The following ERCC1 variants were observed in gnomAD, a reference collection of about 807,000 sequenced individuals.
The protein encoded by ERCC1 is DNA excision repair protein ERCC-1.
ERCC1 carries 36 observed loss-of-function variants against 37.6 expected under a neutral mutation model. That is an observed-to-expected ratio of 0.96 (90% CI 0.73 to 1.26). ERCC1 has a LOEUF of 1.26. ERCC1 is among the 50% of genes most tolerant of loss of function. The pLI, the probability that ERCC1 is intolerant of heterozygous loss-of-function variation, is 0.00. For synonymous variants in ERCC1, 156 were observed against 162.1 expected (o/e 0.96, Z 0.28); for missense variants, 349 against 376.5 (o/e 0.93, Z 0.60).
At chr19:45,415,203 C>T (rs1175701476) in intron 6 of ERCC1, among the ~76,000 whole-genome samples, 5 of 151,798 alleles carry the variant, frequency 3.3e-5, no homozygotes, top group South Asian at 2.1e-4. Flanking sequence ...GGCTTGGTGG[C>T]GCGTGCCTGT....
intron 5 of ERCC1, among the ~76,000 whole-genome samples, chr19:45,418,479 C>T (rs1974195642): frequency 6.6e-6 from 1 of 151,942 alleles, no homozygotes; most frequent in Admixed American, 6.6e-5. Context: ...AAGATCTGGC[C>T]ATTGCACTCC....
intron 1 of ERCC1, among the ~76,000 whole-genome samples, chr19:45,449,455 C>T (rs959852443): frequency 2.6e-5 from 4 of 151,772 alleles, no homozygotes; most frequent in African/African-American, 9.7e-5. Context: ...AGGAGGAGTT[C>T]GAGACCAGCC....
intron 1 of ERCC1, among the ~76,000 whole-genome samples, chr19:45,434,157 A>C (rs8110453): frequency 0.02 from 2,172 of 108,648 alleles, 20 homozygotes; most frequent in African/African-American, 0.052. Flanking sequence ...CACACACACA[A>C]AAAAAAAAAA....
At chr19:45,441,128 G>A (rs1359402054) in intron 1 of ERCC1, among the ~76,000 whole-genome samples, 1 of 152,146 alleles carries the variant, frequency 6.6e-6, no homozygotes, top group Non-Finnish European at 1.5e-5. Context: ...CTGTTCCCTG[G>A]GCCTAGGTCT....
chr19:45,411,453 T>A (rs1194896283), intron 9 of ERCC1, among the ~76,000 whole-genome samples: 1 of 39,038 alleles, frequency 2.6e-5, no homozygotes, highest in African/African-American at 3.8e-4. Flanking sequence ...CTCGCCACCA[T>A]TTGTTATTGC....
intron 1 of ERCC1, among the ~76,000 whole-genome samples, chr19:45,439,927 C>A (rs1975075979): frequency 6.6e-6 from 1 of 152,156 alleles, no homozygotes; most frequent in Admixed American, 6.5e-5. Flanking sequence ...ACCCCAGCTC[C>A]GCTAAAAATA....
intron 5 of ERCC1, among the ~76,000 whole-genome samples, 199 bp from the exon 6 acceptor site, chr19:45,417,096 C>CAA (rs1164332669): frequency 7.2e-6 from 1 of 138,918 alleles, no homozygotes; most frequent in Non-Finnish European, 1.6e-5. Flanking sequence ...GACTCTGTCT[C>CAA]AAAAAAAAAA....
intron 9 of ERCC1, 155 bp downstream of exon 9, chr19:45,413,522 C>T (rs755693405): frequency 6.6e-5 from 104 of 1,567,276 alleles, no homozygotes; most frequent in Middle Eastern, 1.8e-4. Context: ...GCAGTCCTCC[C>T]GCCTTGGCCT....
At chr19:45,430,075 C>T (rs1396086745) in intron 1 of ERCC1, among the ~76,000 whole-genome samples, 4 of 152,176 alleles carry the variant, frequency 2.6e-5, no homozygotes, top group Non-Finnish European at 4.4e-5. Context: ...TGAGCCACCG[C>T]GTCCAGCCGG....
At chr19:45,419,317 G>A in intron 4 of ERCC1, 120 bp from the exon 5 acceptor site, 2 of 734,920 alleles carry the variant, frequency 2.7e-6, no homozygotes, top group Non-Finnish European at 4.8e-6. Flanking sequence ...AGAGGGTCCT[G>A]AGGCCCACAG....
upstream of ERCC1, among the ~76,000 whole-genome samples, chr19:45,425,462 C>T (rs926275074): frequency 6.6e-6 from 1 of 152,004 alleles, no homozygotes; most frequent in African/African-American, 2.4e-5. Flanking sequence ...AATCTAGGCT[C>T]ACTGCAACCT....
Position 45,423,850 on chromosome 19 carries a change from G to A in ERCC1, c.-77C>T. 1 of 1,126,656 alleles carries A rather than the reference G, an allele frequency of 8.9e-7. No individual in the cohort carries two copies. The highest frequency in any genetic ancestry group is 1.1e-6 in the Non-Finnish European group (1 of 913,116). 69.8% of individuals were successfully genotyped at this position (1,126,656 alleles called of 1,614,324 possible). The stretch of plus-strand genomic sequence containing the variant: ...GCTGGTCTTGGAGCCTCAAGGGAAA[G>A]ACTGCAGAGGGATCGAGGCGGCCCA... On this transcript the variant is annotated 5_prime_UTR_variant, in exon 1 of 10. Coordinates refer to ENST00000300853, the MANE Select transcript of ERCC1 (RefSeq NM_001983.4).
intron 1 of ERCC1, among the ~76,000 whole-genome samples, chr19:45,434,678 C>T (rs535996371): frequency 2.6e-4 from 40 of 151,802 alleles, no homozygotes; most frequent in South Asian, 4.2e-4. Flanking sequence ...CTTCGCCTCC[C>T]GGGTTCAAGC....
intron 1 of ERCC1, among the ~76,000 whole-genome samples, chr19:45,448,061 G>C (rs543547859): frequency 6.6e-6 from 1 of 151,990 alleles, no homozygotes; most frequent in Non-Finnish European, 1.5e-5. Flanking sequence ...TAGTAGAGAC[G>C]GGGTTTCGCC....
chr19:45,431,779 T>C (rs1974838766), intron 1 of ERCC1, among the ~76,000 whole-genome samples: 1 of 151,924 alleles, frequency 6.6e-6, no homozygotes, highest in African/African-American at 2.4e-5. Flanking sequence ...CGTTCTCAGC[T>C]GCTTGGGAGG....
intron 6 of ERCC1, among the ~76,000 whole-genome samples, chr19:45,415,972 C>CA (rs1334024856): frequency 1.3e-5 from 2 of 151,722 alleles, no homozygotes; most frequent in South Asian, 2.1e-4. Context: ...GTTGTCTCCA[C>CA]AAAAAATTAA....
At position 45,418,553 on chromosome 19, in the gene ERCC1, G is replaced by A. The variant is rs1458135221; in HGVS notation, c.525+545C>T. ...AAAGAGAGAGATATGGCCAGGCACGGTGGCTCATGCCTGTAATCCCAGCCT... is the reference window on the plus strand; with the variant it reads ...AAAGAGAGAGATATGGCCAGGCACGATGGCTCATGCCTGTAATCCCAGCCT... On this transcript the variant is annotated intron_variant, in intron 5 of 9. Transcript: ENST00000300853. 2.0e-5 allele frequency among the ~76,000 whole-genome samples: 3 copies of A among 151,868 alleles called. No individual in the cohort carries two copies. In the South Asian group the frequency reaches 6.3e-4, roughly 32 times the overall value.
In ERCC1 at chr19:45,413,957, C is replaced by T. The variant is rs763967348; in HGVS notation, c.774+6G>A. 7 of 1,613,238 alleles carry T rather than the reference C, an allele frequency of 4.3e-6. No homozygotes were observed. The South Asian group carries it at 7.7e-5, about 18-fold the overall frequency. The stretch of plus-strand genomic sequence containing the variant: ...ATGCCTATGGGGCAGGGGAGCCATT[C>T]CTTACTCCAAATGTGGTCAGGAGGG... On this transcript the variant is annotated splice_donor_region_variant and intron_variant, in intron 8 of 9. Transcript: ENST00000300853.
Position 45,409,448 on chromosome 19 carries a change from GC to G in ERCC1, c.*226del, listed in dbSNP as rs776702737. The G allele has an allele frequency of 1.9e-5, 31 of 1,612,990 alleles. No individual in the cohort carries two copies. The Admixed American group carries it at 5.2e-4, about 27-fold the overall frequency. ...ACTGAATTCAGAGTCTGGGGAGGAG[GC>G]TCCCACAGGCCGGGACAAGAAGCGG... On this transcript the variant is annotated 3_prime_UTR_variant, in exon 10 of 10. Transcript: ENST00000300853.
Sources: allele counts gnomAD v4.1 joint callset (sites outside exome capture counted in the v4.1 genomes callset), GRCh38; gene constraint gnomAD v4.1.1; transcripts MANE v1.5; gene names NCBI Gene and HGNC (gene_info 2026-07-23, HGNC 2026-07-21).